The following MYRIP variants were observed in gnomAD, a reference collection of about 807,000 sequenced individuals.
MYRIP encodes the protein rab effector MyRIP.
MYRIP carries 49 observed loss-of-function variants against 98.0 expected under a neutral mutation model. That is an observed-to-expected ratio of 0.50 (90% confidence interval 0.40 to 0.63). The LOEUF (loss-of-function observed/expected upper bound fraction) is 0.63, where lower values mean the gene tolerates loss of function less well. MYRIP is among the 30% of genes least tolerant of loss of function. The pLI, the probability that MYRIP is intolerant of heterozygous loss-of-function variation, is 0.00. For missense variants in MYRIP, 1,004 were observed against 1,058.2 expected, an observed-to-expected ratio of 0.95 and a Z score of 0.71; for synonymous variants, 404 against 409.5, an observed-to-expected ratio of 0.99 and a Z score of 0.16.
At chr3:39,967,253 G>C (rs1213217554) in intron 2 of MYRIP, among the ~76,000 whole-genome samples, 1 of 151,962 alleles carries the variant, frequency 6.6e-6, no homozygotes, top group East Asian at 1.9e-4. Context: ...CATCCTCCCT[G>C]CTCAAGTAGA....
chr3:39,962,293 T>C (rs765054543), intron 2 of MYRIP, among the ~76,000 whole-genome samples: 1 of 152,108 alleles, frequency 6.6e-6, no homozygotes, highest in Non-Finnish European at 1.5e-5. Context: ...GGTTATTGTG[T>C]CTAAACCCCT....
chr3:40,062,530 T>C (rs1159445174), intron 3 of MYRIP, among the ~76,000 whole-genome samples: 1 of 152,144 alleles, frequency 6.6e-6, no homozygotes, highest in Non-Finnish European at 1.5e-5. Context: ...AAAACATAAA[T>C]TCTAGAATAT....
chr3:40,060,596 TGA>T lies in MYRIP; in HGVS notation c.332+16346_332+16347del, dbSNP rs35495297. On this transcript the variant is annotated intron_variant, in intron 3 of 16. Transcript: ENST00000302541. ...TAGATTTTCTTTTTTTTTCTTTTTT[TGA>T]GAGAGAGAGAGAGAGAGAGATTCGC... 5.7e-3 allele frequency among the ~76,000 whole-genome samples: 791 copies of T among 138,632 alleles called. 9 individuals are homozygous for T. Among genetic ancestry groups the T allele is most frequent in the African/African-American group, 0.019 (726 of 37,424 alleles). The allele number at this position is 138,632 out of a possible 152,430, so 90.9% of individuals were successfully genotyped here. A position where few individuals can be genotyped will look rare whatever the true frequency, so the allele number is the denominator to read the frequency against.
In MYRIP at chr3:40,018,335, C is replaced by T. The variant is rs572380505; in HGVS notation, c.111-25715C>T. Among the ~76,000 whole-genome samples the T allele has an allele frequency of 4.6e-5, 7 of 152,294 alleles. No homozygotes were observed. The South Asian group carries it at 1.0e-3, about 23-fold the overall frequency. On this transcript the variant is annotated intron_variant, in intron 2 of 16. Coordinates refer to ENST00000302541, the MANE Select transcript of MYRIP (RefSeq NM_015460.4). ...ACAAGGATGATGCCATGATATAAAT[C>T]GAGTGCTTGTCTCTCTCTCTCCAGA...
intron 3 of MYRIP, among the ~76,000 whole-genome samples, chr3:40,134,265 C>G (rs1052625682): frequency 1.3e-5 from 2 of 152,232 alleles, no homozygotes; most frequent in Middle Eastern, 3.2e-3. Flanking sequence ...GGGTCCTACA[C>G]CCACGGAGCC....
At chr3:40,252,100 A>C in intron 16 of MYRIP, 101 bp downstream of exon 16, 8 of 873,376 alleles carry the variant, frequency 9.2e-6, no homozygotes, top group Non-Finnish European at 1.3e-5. Flanking sequence ...AACCCCCAAA[A>C]AGTATCCTTC....
intron 2 of MYRIP, among the ~76,000 whole-genome samples, chr3:39,967,455 T>G (rs1945468401): frequency 6.6e-6 from 1 of 152,220 alleles, no homozygotes; most frequent in Non-Finnish European, 1.5e-5. Flanking sequence ...TCATGGTACA[T>G]ATGTACCATA....
intron 4 of MYRIP, among the ~76,000 whole-genome samples, chr3:40,159,418 G>A (rs1950325476): frequency 6.6e-6 from 1 of 152,098 alleles, no homozygotes; most frequent in Non-Finnish European, 1.5e-5. Flanking sequence ...CTCTCTGGCT[G>A]CCCTTAACAT....
At chr3:39,884,008 G>A (rs1943223932) in intron 1 of MYRIP, among the ~76,000 whole-genome samples, 1 of 151,998 alleles carries the variant, frequency 6.6e-6, no homozygotes. Flanking sequence ...CTACAAATCA[G>A]GACAAAAATA....
intron 1 of MYRIP, among the ~76,000 whole-genome samples, chr3:39,869,918 G>A (rs1319310603): frequency 2.6e-5 from 4 of 152,190 alleles, no homozygotes; most frequent in Admixed American, 1.3e-4. Flanking sequence ...ATGTCAAGGT[G>A]GAGGGGTGGG....
chr3:40,245,505 C>T (rs1271494484), intron 13 of MYRIP, among the ~76,000 whole-genome samples: 4 of 151,674 alleles, frequency 2.6e-5, no homozygotes, highest in East Asian at 2.0e-4. Context: ...AAAAATTAGC[C>T]GGGAGTGGTG....
At chr3:40,244,669 T>C (rs374580175) in intron 13 of MYRIP, 62 bp downstream of exon 13, 5 of 1,499,038 alleles carry the variant, frequency 3.3e-6, no homozygotes, top group African/African-American at 1.4e-5. Context: ...CCCCATGTTC[T>C]ACAAGAATCA....
At chr3:40,131,571 T>A (rs1302871315) in intron 3 of MYRIP, among the ~76,000 whole-genome samples, 2 of 152,212 alleles carry the variant, frequency 1.3e-5, no homozygotes, top group African/African-American at 4.8e-5. Flanking sequence ...TTAGGGGATA[T>A]GATCTTCCTT....
intron 1 of MYRIP, among the ~76,000 whole-genome samples, chr3:39,863,781 CCTT>C (rs569550635): frequency 7.9e-5 from 12 of 151,962 alleles, no homozygotes; most frequent in Non-Finnish European, 1.6e-4. Context: ...AAGACCCCCT[CCTT>C]AACTCATTCT....
Position 39,979,650 on chromosome 3 carries a change from C to CAAAAAAA in MYRIP, c.111-64396_111-64395insAAAAAAA, listed in dbSNP as rs1400253573. On this transcript the variant is annotated intron_variant, in intron 2 of 16. Coordinates refer to ENST00000302541, the MANE Select transcript of MYRIP (RefSeq NM_015460.4). ...TGAAACTACATCTCAAAAACCAAAACAAAACAAAAAAAAAAAAACAAAAAA... is the reference window on the plus strand; with the variant it reads ...TGAAACTACATCTCAAAAACCAAAACAAAAAAAAAAACAAAAAAAAAAAAACAAAAAA... Among the ~76,000 whole-genome samples the CAAAAAAA allele has an allele frequency of 2.5e-4, 20 of 78,980 alleles. 1 individual carries two copies. Among genetic ancestry groups the CAAAAAAA allele is most frequent in the Non-Finnish European group, 4.8e-4 (16 of 33,628 alleles). The allele number at this position is 78,980 out of a possible 152,430, so 51.8% of individuals were successfully genotyped here. A position where few individuals can be genotyped will look rare whatever the true frequency, so the allele number is the denominator to read the frequency against.
intron 3 of MYRIP, among the ~76,000 whole-genome samples, chr3:40,083,395 G>A (rs1250082547): frequency 6.6e-6 from 1 of 152,030 alleles, no homozygotes; most frequent in Non-Finnish European, 1.5e-5. Flanking sequence ...AGGGCCCAAT[G>A]TGGCTAAGAT....
At chr3:40,014,600 A>G (rs1480124858) in intron 2 of MYRIP, among the ~76,000 whole-genome samples, 1 of 152,180 alleles carries the variant, frequency 6.6e-6, no homozygotes. Context: ...CCTCACATGT[A>G]CAATGAGGAC....
intron 11 of MYRIP, among the ~76,000 whole-genome samples, chr3:40,215,659 T>C (rs1203154651): frequency 1.3e-5 from 2 of 152,198 alleles, no homozygotes; most frequent in Non-Finnish European, 2.9e-5. Flanking sequence ...TCTATATATG[T>C]CTGACGTTCA....
At chr3:40,203,720 ATATT>A (rs1245646981) in intron 10 of MYRIP, among the ~76,000 whole-genome samples, 1 of 94,692 alleles carries the variant, frequency 1.1e-5, no homozygotes, top group Non-Finnish European at 2.1e-5. Context: ...ATATTTTTAT[ATATT>A]TATATATATT....
Sources: gnomAD v4.1 joint callset for allele counts (sites outside exome capture counted in the v4.1 genomes callset) on GRCh38, gnomAD v4.1.1 for gene constraint, MANE v1.5 for transcripts, NCBI Gene and HGNC (gene_info 2026-07-23, HGNC 2026-07-21) for gene names.